GALNT18: variants seen among roughly 807,000 people sequenced by gnomAD.
GALNT18 encodes the protein GalNAc-transferase 18.
Under a neutral mutation model 69.5 loss-of-function variants are expected in GALNT18, and 44 were observed. That is an observed-to-expected ratio of 0.63 (90% CI 0.50 to 0.81). The LOEUF (loss-of-function observed/expected upper bound fraction) is 0.81, where lower values mean the gene tolerates loss of function less well. Ranked by LOEUF, GALNT18 falls within the 40% of genes least tolerant of loss-of-function variation. GALNT18 has a pLI of 0.00. For synonymous variants in GALNT18, 364 were observed against 318.2 expected, an observed-to-expected ratio of 1.14 and a Z score of -1.53; for missense variants, 715 against 810.0, an observed-to-expected ratio of 0.88 and a Z score of 1.42.
At position 11,293,118 on chromosome 11, in the gene GALNT18, A is replaced by G; in HGVS notation, c.1588T>C (p.Cys530Arg). Residue 530 changes from cysteine to arginine, a missense_variant, in exon 10 of 11, where the codon TGC becomes CGC. Transcript: ENST00000227756. ...SPTVDDDDNR[C>R]LVDVNSRPRL... is the part of the protein sequence containing the mutation. ...GGCCGGCTGTTGACGTCCACCAGGC[A>G]TCGGTTGTCATCATCATCCACGGTG... 1 of 1,372,096 alleles carries G rather than the reference A, an allele frequency of 7.3e-7. No individual in the cohort carries two copies. Among genetic ancestry groups the G allele is most frequent in the Non-Finnish European group, 9.5e-7 (1 of 1,052,942 alleles). The allele number at this position is 1,372,096 out of a possible 1,614,324, so 85.0% of individuals were successfully genotyped here. A position where few individuals can be genotyped will look rare whatever the true frequency, so the allele number is the denominator to read the frequency against.
rs1860077499 is a variant in GALNT18 at position 11,617,278 on chromosome 11, C to A, written c.235+4081G>T. 6.6e-6 allele frequency among the ~76,000 whole-genome samples: 1 copy of A among 152,216 alleles called. No individual in the cohort carries two copies. The highest frequency in any genetic ancestry group is 6.5e-5 in the Admixed American group (1 of 15,282). Reference sequence around the variant, plus strand: ...ATTTTTCTATTAACTAACTCAAGCCCTGACCACGTTGACTAAAAGGGATTC... The same window carrying A: ...ATTTTTCTATTAACTAACTCAAGCCATGACCACGTTGACTAAAAGGGATTC... On this transcript the variant is annotated intron_variant, in intron 1 of 10. Transcript: ENST00000227756. The surrounding 1 kb of genome is among the most constrained non-coding windows in gnomAD (Gnocchi z 4.7).
rs1439792477 is a variant in GALNT18, at chr11:11,595,369, GA to G, written c.235+25989del. ...CAAGAAGTCAGGAGGCTGCAACCCA[GA>G]AGAGAGACTTCACCAGACAGAACCC... is the stretch of plus-strand genomic sequence containing the variant. On this transcript the variant is annotated intron_variant, in intron 1 of 10. Coordinates refer to ENST00000227756, the MANE Select transcript of GALNT18 (RefSeq NM_198516.3). This position sits in a 1 kb window ranked among gnomAD's most constrained non-coding sequence, Gnocchi z 5.2. 6.6e-6 allele frequency among the ~76,000 whole-genome samples: 1 copy of G among 152,130 alleles called. No individual in the cohort carries two copies. Among genetic ancestry groups the G allele is most frequent in the Non-Finnish European group, 1.5e-5 (1 of 68,030 alleles).
At chr11:11,286,067 G>A (rs771650380) in intron 10 of GALNT18, among the ~76,000 whole-genome samples, 3 of 152,158 alleles carry the variant, frequency 2.0e-5, no homozygotes, top group Non-Finnish European at 4.4e-5. Context: ...CTCTGAGAAT[G>A]AAGCAAGCAC....
chr11:11,297,747 C>A (rs531281071), intron 9 of GALNT18, among the ~76,000 whole-genome samples: 2 of 152,162 alleles, frequency 1.3e-5, no homozygotes, highest in Admixed American at 6.5e-5. Flanking sequence ...TACAAACCCC[C>A]GGGGCAGAGA....
intron 10 of GALNT18, among the ~76,000 whole-genome samples, chr11:11,291,562 G>A (rs1849299175): frequency 6.6e-6 from 1 of 152,192 alleles, no homozygotes; most frequent in Non-Finnish European, 1.5e-5. Context: ...TACATAGACA[G>A]GAAGGAGCAG....
rs922772357 is a variant in GALNT18, at chr11:11,432,191, T to A, written c.595+430A>T. 2.0e-5 allele frequency among the ~76,000 whole-genome samples: 3 copies of A among 152,106 alleles called. No homozygotes were observed. Among genetic ancestry groups the A allele is most frequent in the African/African-American group, 4.8e-5 (2 of 41,406 alleles). On this transcript the variant is annotated intron_variant, in intron 3 of 10. Coordinates refer to ENST00000227756, the MANE Select transcript of GALNT18 (RefSeq NM_198516.3). The surrounding 1 kb of genome is among the most constrained non-coding windows in gnomAD (Gnocchi z 5.8). ...ATCATCACCACCACTACAACCTCCA[T>A]CACCACCAGCACCATCATCACCACT...
rs12417062 is a variant in GALNT18 at position 11,435,560 on chromosome 11, C to G, written c.429-2773G>C. On this transcript the variant is annotated intron_variant, in intron 2 of 10. Transcript: ENST00000227756. The surrounding 1 kb of genome is among the most constrained non-coding windows in gnomAD (Gnocchi z 4.4). ...CCTGTTTATTGTCTGCCCCTCTCTA[C>G]TAGAATGAAGCCCCCTGAGAGCAGG... Among the ~76,000 whole-genome samples, 23,232 of 152,152 alleles carry G rather than the reference C, an allele frequency of 0.15. 2,022 individuals carry two copies. Among genetic ancestry groups the G allele is most frequent in the Non-Finnish European group, 0.2 (13,264 of 67,986 alleles).
chr11:11,274,558 T>C (rs1474811506), intron 10 of GALNT18, among the ~76,000 whole-genome samples: 1 of 152,210 alleles, frequency 6.6e-6, no homozygotes, highest in African/African-American at 2.4e-5. Context: ...TTTAAAATTT[T>C]TTATTATTGT....
At position 11,352,168 on chromosome 11, in the gene GALNT18, C is replaced by A. The variant is rs766115254; in HGVS notation, c.1093-11164G>T. ...GTGTAGAAATAGGGGTGCTCCATGG[C>A]CTCTCTTGCAGTAAGCCGTGACTGG... On this transcript the variant is annotated intron_variant, in intron 6 of 10. Transcript: ENST00000227756. The A allele has an allele frequency of 3.1e-6, 5 of 1,613,682 alleles. No homozygotes were observed. In the East Asian group the frequency reaches 8.9e-5, roughly 29 times the overall value.
chr11:11,353,767 G>C (rs1433183748), intron 6 of GALNT18, among the ~76,000 whole-genome samples: 1 of 152,172 alleles, frequency 6.6e-6, no homozygotes, highest in Non-Finnish European at 1.5e-5. Context: ...GTGTTGCCAT[G>C]ATAAGCCAGG....
chr11:11,600,320 T>C lies in GALNT18; in HGVS notation c.235+21039A>G, dbSNP rs1175593435. On this transcript the variant is annotated intron_variant, in intron 1 of 10. Transcript: ENST00000227756. This position sits in a 1 kb window ranked among gnomAD's most constrained non-coding sequence, Gnocchi z 4.8. Reference sequence around the variant, plus strand: ...TGTAGTATTTCTTGTAAGATGGACCTGATAACAACAAATTCTGTTTTTGTT... The same window carrying C: ...TGTAGTATTTCTTGTAAGATGGACCCGATAACAACAAATTCTGTTTTTGTT... Among the ~76,000 whole-genome samples the C allele has an allele frequency of 2.0e-5, 3 of 152,132 alleles. No homozygotes were observed. The South Asian group carries it at 6.2e-4, about 31-fold the overall frequency.
At chr11:11,460,329 C>T (rs1296728986) in intron 1 of GALNT18, among the ~76,000 whole-genome samples, 1 of 152,198 alleles carries the variant, frequency 6.6e-6, no homozygotes, top group African/African-American at 2.4e-5. Flanking sequence ...TAATACTTCA[C>T]TCACAGGGTT....
intron 3 of GALNT18, among the ~76,000 whole-genome samples, chr11:11,390,763 G>C (rs1854168770): frequency 6.6e-6 from 1 of 152,192 alleles, no homozygotes; most frequent in Non-Finnish European, 1.5e-5. Context: ...GAACCCAAGT[G>C]TTCTCCTGGC....
intron 10 of GALNT18, among the ~76,000 whole-genome samples, chr11:11,282,718 C>G (rs1480967170): frequency 6.6e-6 from 1 of 152,090 alleles, no homozygotes; most frequent in Non-Finnish European, 1.5e-5. Flanking sequence ...CTCTGAGGGC[C>G]CTCTGCAGAG....
rs12284842 is a variant in GALNT18, at chr11:11,618,613, C to T, written c.235+2746G>A. ...AGTACGTGGGTAAGAACTTAGACTT[C>T]TGAAGCCACACTAGCTGAGCTTACA... On this transcript the variant is annotated intron_variant, in intron 1 of 10. Coordinates refer to ENST00000227756, the MANE Select transcript of GALNT18 (RefSeq NM_198516.3). The surrounding 1 kb of genome is among the most constrained non-coding windows in gnomAD (Gnocchi z 6.1). Among the ~76,000 whole-genome samples, 26,784 of 152,122 alleles carry T rather than the reference C, an allele frequency of 0.18. 2,563 individuals are homozygous for T. Among genetic ancestry groups the T allele is most frequent in the Non-Finnish European group, 0.22 (14,794 of 67,974 alleles).
At chr11:11,400,946 C>A (rs1278589233) in intron 3 of GALNT18, among the ~76,000 whole-genome samples, 1 of 152,144 alleles carries the variant, frequency 6.6e-6, no homozygotes, top group Non-Finnish European at 1.5e-5. Context: ...AAAATTGGTT[C>A]TAGTGCCAGG....
intron 1 of GALNT18, among the ~76,000 whole-genome samples, chr11:11,549,229 A>G (rs1858133899): frequency 6.6e-6 from 1 of 152,234 alleles, no homozygotes; most frequent in Admixed American, 6.5e-5. Context: ...GCAACAAGCT[A>G]AAAAGGGCCC....
chr11:11,548,351 G>A lies in GALNT18; in HGVS notation c.235+73008C>T, dbSNP rs189426140. Among the ~76,000 whole-genome samples, 8 of 152,294 alleles carry A rather than the reference G, an allele frequency of 5.3e-5. No individual in the cohort carries two copies. In the East Asian group the frequency reaches 1.2e-3, roughly 22 times the overall value. On this transcript the variant is annotated intron_variant, in intron 1 of 10. Coordinates refer to ENST00000227756, the MANE Select transcript of GALNT18 (RefSeq NM_198516.3). ...CTGCAGTAGGTAGAAAAAAGAGAGA[G>A]GCAGCCTCTGTCATCCCAAGCCACA... is the stretch of plus-strand genomic sequence containing the variant.
intron 6 of GALNT18, among the ~76,000 whole-genome samples, chr11:11,369,646 C>A (rs1850851969): frequency 6.7e-6 from 1 of 149,836 alleles, no homozygotes. Context: ...AATCCCTTGC[C>A]AGCCCTTAAA....
Sources: gnomAD v4.1 joint callset for allele counts (sites outside exome capture counted in the v4.1 genomes callset) on GRCh38, gnomAD v4.1.1 for gene constraint, Gnocchi (gnomAD v3.1) non-coding constraint, MANE v1.5 for transcripts, NCBI Gene and HGNC (gene_info 2026-07-23, HGNC 2026-07-21) for gene names.